Variants in MINDY3 observed in about 807,000 individuals in gnomAD.
The protein encoded by MINDY3 is MINDY lysine 48 deubiquitinase 3.
A neutral mutation model predicts 69.2 loss-of-function variants in MINDY3; 38 were observed. That is an observed-to-expected ratio of 0.55 (90% CI 0.42 to 0.72). The LOEUF (loss-of-function observed/expected upper bound fraction) is 0.72, where lower values mean the gene tolerates loss of function less well. MINDY3 is among the 30% of genes least tolerant of loss of function. The pLI, the probability that MINDY3 is intolerant of heterozygous loss-of-function variation, is 0.00. For synonymous variants in MINDY3, 192 were observed against 180.1 expected, an observed-to-expected ratio of 1.07 and a Z score of -0.53; for missense variants, 522 against 519.0, an observed-to-expected ratio of 1.01 and a Z score of -0.06.
intron 14 of MINDY3, among the ~76,000 whole-genome samples, chr10:15,779,363 T>G (rs1237387689): frequency 6.6e-6 from 1 of 152,210 alleles, no homozygotes; most frequent in Admixed American, 6.6e-5. Context: ...GGCCAGGTGA[T>G]TTTTAAAAAA....
intron 13 of MINDY3, among the ~76,000 whole-genome samples, chr10:15,783,965 T>C (rs1041203186): frequency 6.6e-6 from 1 of 152,232 alleles, no homozygotes; most frequent in Non-Finnish European, 1.5e-5. Context: ...GCATAGACTC[T>C]GTGGTTAGAC....
intron 3 of MINDY3, 57 bp downstream of exon 3, chr10:15,843,155 G>C: frequency 7.5e-7 from 1 of 1,341,784 alleles, no homozygotes; most frequent in African/African-American, 1.5e-5. Context: ...GATAATTTTA[G>C]ATCATCTCTA....
intron 2 of MINDY3, among the ~76,000 whole-genome samples, chr10:15,845,614 C>T (rs370728440): frequency 4.0e-4 from 60 of 151,892 alleles, no homozygotes; most frequent in African/African-American, 1.4e-3. Context: ...CCCTCCCCTT[C>T]TAGCCTCCCG....
At chr10:15,830,912 A>G (rs116483970) in intron 8 of MINDY3, among the ~76,000 whole-genome samples, 2,600 of 152,328 alleles carry the variant, frequency 0.017, 54 homozygotes, top group African/African-American at 0.056. Context: ...TGTTTTAGGC[A>G]GTAGAAGCCA....
intron 2 of MINDY3, among the ~76,000 whole-genome samples, chr10:15,847,223 A>G (rs1242455996): frequency 6.6e-6 from 1 of 152,262 alleles, no homozygotes; most frequent in Non-Finnish European, 1.5e-5. Context: ...GGTTTTAACA[A>G]TTTAACAGTT....
chr10:15,858,852 ATAAG>A (rs1260438623), intron 1 of MINDY3, among the ~76,000 whole-genome samples: 3 of 152,218 alleles, frequency 2.0e-5, no homozygotes, highest in East Asian at 1.9e-4. Context: ...TACTATTAGA[ATAAG>A]TAAGTCAAAG....
chr10:15,835,425 T>A (rs752790383), intron 6 of MINDY3, among the ~76,000 whole-genome samples: 22 of 152,240 alleles, frequency 1.4e-4, no homozygotes, highest in Admixed American at 7.2e-4. Flanking sequence ...TTTTAAAGAA[T>A]GACTAAATCC....
chr10:15,794,652 C>T (rs1373514958), intron 11 of MINDY3, among the ~76,000 whole-genome samples: 1 of 151,996 alleles, frequency 6.6e-6, no homozygotes, highest in Admixed American at 6.6e-5. Flanking sequence ...TGAAAAATTG[C>T]ACTGATTATA....
chr10:15,841,409 A>C lies in MINDY3; in HGVS notation c.409+17T>G. ...AGGAACAAGAAAAAAACTTCAGGAA[A>C]TAAAAATATATCTTACAAGAATGTT... On this transcript the variant is annotated intron_variant, in intron 4 of 14. Transcript: ENST00000277632. 6.3e-7 allele frequency: 1 copy of C among 1,584,316 alleles called. No individual in the cohort carries two copies. Among genetic ancestry groups the C allele is most frequent in the Non-Finnish European group, 8.6e-7 (1 of 1,167,940 alleles).
intron 10 of MINDY3, among the ~76,000 whole-genome samples, chr10:15,810,610 A>AT (rs1838931724): frequency 6.6e-6 from 1 of 151,998 alleles, no homozygotes; most frequent in African/African-American, 2.4e-5. Context: ...TCATCTCACA[A>AT]TTTTTTTAAG....
At chr10:15,854,188 T>C (rs748127000) in intron 1 of MINDY3, among the ~76,000 whole-genome samples, 27 of 152,142 alleles carry the variant, frequency 1.8e-4, no homozygotes, top group Non-Finnish European at 1.2e-4. Context: ...AGATTTCGTA[T>C]TGCAACTAAT....
intron 1 of MINDY3, among the ~76,000 whole-genome samples, chr10:15,859,338 T>C (rs1400353728): frequency 6.6e-6 from 1 of 152,166 alleles, no homozygotes; most frequent in Non-Finnish European, 1.5e-5. Context: ...GTGTTTTACA[T>C]ACATAAATTA....
intron 8 of MINDY3, among the ~76,000 whole-genome samples, 189 bp downstream of exon 8, chr10:15,833,441 C>G (rs951036896): frequency 6.6e-6 from 1 of 152,072 alleles, no homozygotes; most frequent in Admixed American, 6.6e-5. Context: ...GATTTGAACC[C>G]AAGATTGCCT....
Position 15,834,619 on chromosome 10 carries a change from A to G in MINDY3, c.577-3T>C, listed in dbSNP as rs1178125389. On this transcript the variant is annotated splice_region_variant and splice_polypyrimidine_tract_variant and intron_variant, in intron 6 of 14. Coordinates refer to ENST00000277632, the MANE Select transcript of MINDY3 (RefSeq NM_024948.4). The stretch of plus-strand genomic sequence containing the variant: ...TCGTTTTTTATGTTTTCAATGCCCT[A>G]AAGAAACAGAATTCATTGACTTATT... 2 of 1,599,072 alleles carry G rather than the reference A, an allele frequency of 1.3e-6. No homozygotes were observed. The highest frequency in any genetic ancestry group is 1.7e-5 in the Admixed American group (1 of 59,768).
At chr10:15,859,224 C>T (rs1381751287) in intron 1 of MINDY3, among the ~76,000 whole-genome samples, 2 of 152,074 alleles carry the variant, frequency 1.3e-5, no homozygotes, top group African/African-American at 4.8e-5. Context: ...ATTTTTGTTA[C>T]AAAATACACG....
At chr10:15,797,049 G>A (rs1005404001) in intron 10 of MINDY3, among the ~76,000 whole-genome samples, 1 of 151,912 alleles carries the variant, frequency 6.6e-6, no homozygotes, top group African/African-American at 2.4e-5. Context: ...TTTTTATGGG[G>A]TACAAATGTT....
At chr10:15,785,745 T>G (rs1347645569) in intron 13 of MINDY3, among the ~76,000 whole-genome samples, 1 of 152,200 alleles carries the variant, frequency 6.6e-6, no homozygotes, top group African/African-American at 2.4e-5. Context: ...AACAATCTTT[T>G]TTAACAATTA....
chr10:15,857,338 A>G (rs1040057986), intron 1 of MINDY3, among the ~76,000 whole-genome samples: 10 of 152,112 alleles, frequency 6.6e-5, no homozygotes, highest in Non-Finnish European at 1.2e-4. Context: ...CCTGACCAGG[A>G]CACCCCACCC....
intron 11 of MINDY3, among the ~76,000 whole-genome samples, chr10:15,790,114 A>G (rs1837298565): frequency 6.6e-6 from 1 of 152,094 alleles, no homozygotes; most frequent in Non-Finnish European, 1.5e-5. Context: ...TTAAAAAAAA[A>G]ATCTTGCCAT....
Sources: gnomAD v4.1 joint callset for allele counts (sites outside exome capture counted in the v4.1 genomes callset) on GRCh38, gnomAD v4.1.1 for gene constraint, MANE v1.5 for transcripts, NCBI Gene and HGNC (gene_info 2026-07-23, HGNC 2026-07-21) for gene names.